MACROD2: variants seen among roughly 807,000 people sequenced by gnomAD.
The protein encoded by MACROD2 is ADP-ribose glycohydrolase MACROD2.
Under a neutral mutation model 70.4 loss-of-function variants are expected in MACROD2, and 36 were observed. The observed-to-expected ratio is 0.51, with a 90% confidence interval of 0.39 to 0.68. The LOEUF (loss-of-function observed/expected upper bound fraction) is 0.68. Ranked by LOEUF, MACROD2 falls within the 30% of genes least tolerant of loss-of-function variation. The pLI is 0.00. For synonymous variants in MACROD2, 172 were observed against 178.8 expected (o/e 0.96, Z 0.30); for missense variants, 496 against 538.4 (o/e 0.92, Z 0.78).
intron 8 of MACROD2, among the ~76,000 whole-genome samples, chr20:15,579,550 G>C (rs2048496398): frequency 6.6e-6 from 1 of 152,210 alleles, no homozygotes; most frequent in African/African-American, 2.4e-5. Context: ...GCCAAACTGA[G>C]GGGAGCCCTC....
At chr20:15,572,246 C>G (rs2048386030) in intron 8 of MACROD2, among the ~76,000 whole-genome samples, 1 of 151,882 alleles carries the variant, frequency 6.6e-6, no homozygotes, top group African/African-American at 2.4e-5. Context: ...CTTGCCAAGC[C>G]CTCATATGAA....
In MACROD2 at chr20:14,703,095, A is replaced by G. The variant is rs538285054; in HGVS notation, c.418+18136A>G. 9.9e-5 allele frequency among the ~76,000 whole-genome samples: 15 copies of G among 152,146 alleles called. 1 individual carries two copies. The highest frequency in any genetic ancestry group is 3.6e-4 in the African/African-American group (15 of 41,486). ...GCTATAATTCATTCTCAGCTGCTAT[A>G]TTTCTTTCTTGCAGATACACCATAT... On this transcript the variant is annotated intron_variant, in intron 5 of 17. Coordinates refer to ENST00000684519, the MANE Select transcript of MACROD2 (RefSeq NM_001351661.2).
intron 5 of MACROD2, among the ~76,000 whole-genome samples, chr20:15,208,475 G>A (rs944180600): frequency 6.6e-6 from 1 of 152,100 alleles, no homozygotes; most frequent in African/African-American, 2.4e-5. Context: ...GGTATAATGA[G>A]TGATTTTATA....
chr20:15,973,956 A>C (rs2066268043), intron 13 of MACROD2, among the ~76,000 whole-genome samples: 1 of 152,222 alleles, frequency 6.6e-6, no homozygotes, highest in South Asian at 2.1e-4. Flanking sequence ...ACCTGTTGAA[A>C]ATGCAATGAG....
chr20:14,784,640 T>A (rs2123790572), intron 5 of MACROD2, among the ~76,000 whole-genome samples: 1 of 122,766 alleles, frequency 8.1e-6, no homozygotes, highest in East Asian at 2.8e-4. Context: ...TAAATCCAAA[T>A]TAGGTCAGAA....
chr20:14,242,742 A>G (rs938613086), intron 3 of MACROD2, among the ~76,000 whole-genome samples: 15 of 152,292 alleles, frequency 9.8e-5, no homozygotes, highest in African/African-American at 2.9e-4. Context: ...TCCAAAGCCA[A>G]ATTATACACC....
chr20:15,882,738 G>T (rs1827580868), intron 9 of MACROD2, among the ~76,000 whole-genome samples: 1 of 152,032 alleles, frequency 6.6e-6, no homozygotes, highest in African/African-American at 2.4e-5. Flanking sequence ...CCAGACTCTG[G>T]ACAGACTCTT....
At chr20:14,313,541 A>G (rs989115368) in intron 3 of MACROD2, among the ~76,000 whole-genome samples, 2 of 151,958 alleles carry the variant, frequency 1.3e-5, no homozygotes, top group African/African-American at 4.8e-5. Flanking sequence ...AAGAATTGGC[A>G]GAAAAATGTG....
At chr20:14,017,677 T>A (rs2053013749) in intron 2 of MACROD2, among the ~76,000 whole-genome samples, 1 of 152,160 alleles carries the variant, frequency 6.6e-6, no homozygotes, top group Non-Finnish European at 1.5e-5. Flanking sequence ...CGTTGTGTAT[T>A]CCTTTTAAGA....
At chr20:15,031,034 T>G (rs577626145) in intron 5 of MACROD2, among the ~76,000 whole-genome samples, 9 of 152,126 alleles carry the variant, frequency 5.9e-5, no homozygotes, top group African/African-American at 2.2e-4. Context: ...CACGGAGCAG[T>G]GAAGGGTATG....
chr20:14,054,687 T>G (rs1264859073), intron 2 of MACROD2, among the ~76,000 whole-genome samples: 1 of 152,142 alleles, frequency 6.6e-6, no homozygotes, highest in Admixed American at 6.6e-5. Context: ...TGTTCAGTTG[T>G]GTCAGATGTC....
At position 15,179,705 on chromosome 20, in the gene MACROD2, T is replaced by G. The variant is rs1004454397; in HGVS notation, c.419-50235T>G. 5.3e-5 allele frequency among the ~76,000 whole-genome samples: 8 copies of G among 152,182 alleles called. 1 individual carries two copies. In the East Asian group the frequency reaches 7.7e-4, roughly 15 times the overall value. On this transcript the variant is annotated intron_variant, in intron 5 of 17. Coordinates refer to ENST00000684519, the MANE Select transcript of MACROD2 (RefSeq NM_001351661.2). Reference sequence around the variant, plus strand: ...AGGGACTCTGGGTACTCTTTTTCCCTCCTACCTATGAATTACAGCATGCTG... The same window carrying G: ...AGGGACTCTGGGTACTCTTTTTCCCGCCTACCTATGAATTACAGCATGCTG...
intron 6 of MACROD2, among the ~76,000 whole-genome samples, chr20:15,410,619 G>A (rs548573879): frequency 5.9e-5 from 9 of 152,012 alleles, no homozygotes; most frequent in African/African-American, 2.2e-4. Context: ...TAAACTCTAT[G>A]TTGCAATACA....
intron 5 of MACROD2, among the ~76,000 whole-genome samples, chr20:15,215,619 A>G (rs139764949): frequency 1.6e-4 from 25 of 152,178 alleles, no homozygotes; most frequent in African/African-American, 5.8e-4. Context: ...GTGTGAAGGC[A>G]TATGTTAAGT....
chr20:15,135,149 GTACCA>G (rs1463902692), intron 5 of MACROD2, among the ~76,000 whole-genome samples: 2 of 151,636 alleles, frequency 1.3e-5, no homozygotes, highest in African/African-American at 4.8e-5. Context: ...GGAGGAGCTG[GTACCA>G]TTCCTTCTGA....
intron 3 of MACROD2, among the ~76,000 whole-genome samples, chr20:14,366,812 A>C (rs985224463): frequency 4.6e-5 from 7 of 152,124 alleles, no homozygotes; most frequent in African/African-American, 1.7e-4. Context: ...CTCTTATCAC[A>C]GCATGTAGTT....
intron 5 of MACROD2, among the ~76,000 whole-genome samples, chr20:15,087,233 A>C (rs535571377): frequency 6.6e-6 from 1 of 152,200 alleles, no homozygotes; most frequent in Non-Finnish European, 1.5e-5. Flanking sequence ...ACAGGCTTAA[A>C]GACAATTCAA....
At chr20:14,117,523 C>T (rs948440224) in intron 3 of MACROD2, among the ~76,000 whole-genome samples, 2 of 152,166 alleles carry the variant, frequency 1.3e-5, no homozygotes, top group African/African-American at 4.8e-5. Context: ...CATGTAGAAA[C>T]TGACCTTCTA....
Position 15,264,061 on chromosome 20 carries a change from C to A in MACROD2, c.540+34000C>A, listed in dbSNP as rs1601320364. ...AGAGACTTATAAGCAATTGATACTG[C>A]ATCCAAAGAATGACAATCTTTGTGC... On this transcript the variant is annotated intron_variant, in intron 6 of 17. Coordinates refer to ENST00000684519, the MANE Select transcript of MACROD2 (RefSeq NM_001351661.2). Among the ~76,000 whole-genome samples the A allele has an allele frequency of 2.0e-5, 3 of 152,218 alleles. No individual in the cohort carries two copies. The East Asian group carries it at 5.8e-4, about 29-fold the overall frequency.
Sources: gnomAD v4.1 joint callset for allele counts (sites outside exome capture counted in the v4.1 genomes callset) on GRCh38, gnomAD v4.1.1 for gene constraint, MANE v1.5 for transcripts, NCBI Gene and HGNC (gene_info 2026-07-23, HGNC 2026-07-21) for gene names.